Variants in EIF4G3 observed in about 807,000 individuals in gnomAD.
The protein encoded by EIF4G3 is eukaryotic translation initiation factor 4 gamma 3.
In EIF4G3, 34 loss-of-function variants were observed where a neutral mutation model predicts 186.4. The observed-to-expected ratio is 0.18, with a 90% CI of 0.14 to 0.24. EIF4G3 has a LOEUF of 0.24. Ranked by LOEUF, EIF4G3 falls within the 10% of genes least tolerant of loss-of-function variation. The pLI, the probability that EIF4G3 is intolerant of heterozygous loss-of-function variation, is 1.00. For missense variants in EIF4G3, 1,536 were observed against 1,948.5 expected, an observed-to-expected ratio of 0.79 and a Z score of 3.99; for synonymous variants, 673 against 679.5, an observed-to-expected ratio of 0.99 and a Z score of 0.15.
Position 20,941,769 on chromosome 1 carries a change from A to C in EIF4G3, c.1385T>G (p.Ile462Ser). Reference sequence around the variant, plus strand: ...AAAGGAAGGAACTGTGGAAGGGGTGATGGGAGCTGGGATACACTCCAGTTT... The same window carrying C: ...AAAGGAAGGAACTGTGGAAGGGGTGCTGGGAGCTGGGATACACTCCAGTTT... ...EMKLECIPAP[I>S]TPSTVPSFPP... The change falls in exon 14 of 37, where the codon ATC becomes AGC. Residue 462 changes from isoleucine (I) to serine (S), a missense_variant. Ile to Ser is a moderately radical substitution (Grantham distance 142, BLOSUM62 -2). Transcript: ENST00000602326. 1 of 1,611,952 alleles carries C rather than the reference A, an allele frequency of 6.2e-7. No homozygotes were observed. Among genetic ancestry groups the C allele is most frequent in the Non-Finnish European group, 8.5e-7 (1 of 1,178,852 alleles).
chr1:21,015,966 G>A (rs1005864600), intron 4 of EIF4G3, among the ~76,000 whole-genome samples: 18 of 151,992 alleles, frequency 1.2e-4, no homozygotes, highest in African/African-American at 2.2e-4. Flanking sequence ...ACTAAAAACC[G>A]TATGAAAATA....
chr1:20,840,651 T>C (rs1020351134), intron 30 of EIF4G3, among the ~76,000 whole-genome samples: 2 of 152,176 alleles, frequency 1.3e-5, no homozygotes, highest in African/African-American at 2.4e-5. Flanking sequence ...AACCAAAAGA[T>C]AACCTTTATG....
intron 7 of EIF4G3, among the ~76,000 whole-genome samples, chr1:20,994,437 A>G (rs2081832120): frequency 1.3e-5 from 2 of 152,184 alleles, no homozygotes. Flanking sequence ...GATATGATGA[A>G]AAGAATTTAA....
chr1:21,050,715 T>C (rs1351622311), intron 4 of EIF4G3, 151 bp downstream of exon 4: 2 of 535,020 alleles, frequency 3.7e-6, no homozygotes, highest in Non-Finnish European at 6.5e-6. Flanking sequence ...GCCATCTTTA[T>C]GAACGGTTAA....
intron 7 of EIF4G3, 49 bp downstream of exon 7, chr1:20,997,552 C>A: frequency 3.3e-6 from 5 of 1,525,514 alleles, no homozygotes; most frequent in Non-Finnish European, 4.4e-6. Context: ...GCTACTAAAG[C>A]CCCCATCTAT....
rs79212206 is a variant in EIF4G3, at chr1:20,870,378, G to T, written c.2623-5116C>A. ...TTTAGTGCCATTCTTTGTAGCTGAG[G>T]TATGTATGTCTCCCACAGCACAGAC... On this transcript the variant is annotated intron_variant, in intron 20 of 36. Coordinates refer to ENST00000602326, the MANE Select transcript of EIF4G3 (RefSeq NM_001391906.1). Among the ~76,000 whole-genome samples the T allele has an allele frequency of 9.2e-3, 1,399 of 152,064 alleles. 41 individuals are homozygous for T. The highest frequency in any genetic ancestry group is 0.085 in the East Asian group (436 of 5,142).
At chr1:21,128,137 G>A (rs1027486829) in intron 2 of EIF4G3, among the ~76,000 whole-genome samples, 2 of 151,916 alleles carry the variant, frequency 1.3e-5, no homozygotes, top group African/African-American at 4.8e-5. Context: ...AACCTGGGAG[G>A]TGGAGCTTGC....
intron 14 of EIF4G3, among the ~76,000 whole-genome samples, chr1:20,916,438 C>G (rs768990509): frequency 2.4e-4 from 37 of 151,180 alleles, no homozygotes; most frequent in Middle Eastern, 3.4e-3. Flanking sequence ...TAGAGAGAGA[C>G]TCTGTCTCAA....
chr1:20,864,627 A>G lies in EIF4G3; in HGVS notation c.2855T>C (p.Ile952Thr). 6.2e-7 allele frequency: 1 copy of G among 1,614,188 alleles called. No individual in the cohort carries two copies. The highest frequency in any genetic ancestry group is 1.1e-5 in the South Asian group (1 of 91,078). ...RRRSIGNIKFIGELFKLKMLT... is the reference protein window; with the variant it reads ...RRRSIGNIKFTGELFKLKMLT... ...CATTTTGAGTTTAAAGAGTTCTCCA[A>G]TAAACTTGATGTTGCCAATGGATCT... The change falls in exon 22 of 37, where the codon ATT becomes ACT. Residue 952 changes from isoleucine (I) to threonine (T), a missense_variant. By Grantham distance (89) the Ile-to-Thr change is moderately conservative. Coordinates refer to ENST00000602326, the MANE Select transcript of EIF4G3 (RefSeq NM_001391906.1).
chr1:21,104,203 A>G (rs1162403521), intron 2 of EIF4G3, among the ~76,000 whole-genome samples: 1 of 152,218 alleles, frequency 6.6e-6, no homozygotes, highest in Non-Finnish European at 1.5e-5. Flanking sequence ...GGAAAGTGGT[A>G]CTAGAAAGAC....
At chr1:21,054,451 C>G (rs922446274) in intron 3 of EIF4G3, among the ~76,000 whole-genome samples, 1 of 149,404 alleles carries the variant, frequency 6.7e-6, no homozygotes, top group Non-Finnish European at 1.5e-5. Context: ...GCGAGAAACA[C>G]CCAAGAATGA....
At chr1:20,878,782 T>G (rs1572095346) in intron 20 of EIF4G3, among the ~76,000 whole-genome samples, 1 of 152,200 alleles carries the variant, frequency 6.6e-6, no homozygotes, top group South Asian at 2.1e-4. Flanking sequence ...TTGGTCTCCC[T>G]CTCTGTCTTG....
intron 33 of EIF4G3, among the ~76,000 whole-genome samples, chr1:20,817,750 C>T (rs1054665026): frequency 7.2e-6 from 1 of 139,166 alleles, no homozygotes; most frequent in African/African-American, 2.7e-5. Flanking sequence ...GTTTGGCTTA[C>T]TGCAACTTCC....
intron 3 of EIF4G3, among the ~76,000 whole-genome samples, chr1:21,059,538 A>G (rs1239604667): frequency 6.6e-6 from 1 of 152,012 alleles, no homozygotes; most frequent in Non-Finnish European, 1.5e-5. Context: ...CCAATCCCCA[A>G]CCACCAAGAA....
At chr1:21,082,684 T>A (rs1016904057) in intron 3 of EIF4G3, among the ~76,000 whole-genome samples, 1 of 152,060 alleles carries the variant, frequency 6.6e-6, no homozygotes, top group Non-Finnish European at 1.5e-5. Flanking sequence ...AGAGGATCAA[T>A]TGAAGCCAGG....
chr1:20,943,972 T>G (rs55793566), intron 13 of EIF4G3, among the ~76,000 whole-genome samples: 17,360 of 44,646 alleles, frequency 0.39, 3,983 homozygotes, highest in South Asian at 0.58. Context: ...TCTTTATTTT[T>G]TTTGTGTGTG....
intron 7 of EIF4G3, among the ~76,000 whole-genome samples, chr1:20,996,857 A>G (rs927615634): frequency 2.0e-5 from 3 of 152,198 alleles, no homozygotes; most frequent in African/African-American, 7.2e-5. Flanking sequence ...TCAGCAGAAG[A>G]AAATGTTTCA....
At chr1:20,949,452 A>G (rs2096109697) in intron 13 of EIF4G3, among the ~76,000 whole-genome samples, 1 of 152,212 alleles carries the variant, frequency 6.6e-6, no homozygotes, top group Admixed American at 6.5e-5. Context: ...TGTCAAGCAC[A>G]TAGGTCTTTA....
chr1:20,916,446 C>CAA (rs1236617759), intron 14 of EIF4G3, among the ~76,000 whole-genome samples: 1 of 132,148 alleles, frequency 7.6e-6, no homozygotes, highest in Non-Finnish European at 1.6e-5. Flanking sequence ...GACTCTGTCT[C>CAA]AAAAAAAAAA....
Sources: gnomAD v4.1 joint callset for allele counts (sites outside exome capture counted in the v4.1 genomes callset) on GRCh38, gnomAD v4.1.1 for gene constraint, MANE v1.5 for transcripts, NCBI Gene and HGNC (gene_info 2026-07-23, HGNC 2026-07-21) for gene names.